CENPI: variants seen among roughly 807,000 people sequenced by gnomAD.
CENPI encodes the protein FSH primary response 1.
A neutral mutation model predicts 60.4 loss-of-function variants in CENPI; 4 were observed. The ratio of observed to expected loss-of-function variants is 0.07; its 90% CI spans 0.03 to 0.15. The LOEUF is 0.15. Ranked by LOEUF, CENPI falls within the 10% of genes least tolerant of loss-of-function variation. The pLI, the probability that CENPI is intolerant of heterozygous loss-of-function variation, is 1.00. For missense variants in CENPI, 444 were observed against 534.5 expected, an observed-to-expected ratio of 0.83 and a Z score of 1.67; for synonymous variants, 157 against 189.4, an observed-to-expected ratio of 0.83 and a Z score of 1.40.
At chrX:101,147,465 A>T (rs918154833) in intron 18 of CENPI, among the ~76,000 whole-genome samples, 1 of 109,382 alleles carries the variant, frequency 9.1e-6, no homozygotes, top group Non-Finnish European at 1.9e-5. Context: ...ACTCCCATTT[A>T]TGAGTGAGAA....
At chrX:101,130,545 G>T (rs1440623330) in intron 13 of CENPI, among the ~76,000 whole-genome samples, 1 of 112,266 alleles carries the variant, frequency 8.9e-6, no homozygotes, top group Non-Finnish European at 1.9e-5. Flanking sequence ...TCTTTGCACT[G>T]TTAGATTTGA....
At chrX:101,129,195 T>C (rs1300630626) in intron 12 of CENPI, among the ~76,000 whole-genome samples, 1 of 111,820 alleles carries the variant, frequency 8.9e-6, no homozygotes, top group Non-Finnish European at 1.9e-5. Context: ...AATGTCAGCT[T>C]ATTATAAAAT....
the CENPI span, among the ~76,000 whole-genome samples, chrX:101,180,319 T>C: frequency 9.0e-6 from 1 of 110,571 alleles, no homozygotes; most frequent in African/African-American, 3.3e-5. Flanking sequence ...TTATTTTTTG[T>C]AGAGATAAGG....
chrX:101,161,279 G>A (rs2090105592), intron 20 of CENPI, among the ~76,000 whole-genome samples: 1 of 112,072 alleles, frequency 8.9e-6, no homozygotes, highest in Non-Finnish European at 1.9e-5. Context: ...ATGAGCCACT[G>A]CACCCGGCCT....
intron 8 of CENPI, 62 bp from the exon 9 acceptor site, chrX:101,126,647 A>G (rs1283290841): frequency 7.9e-6 from 7 of 884,703 alleles, no homozygotes; most frequent in Non-Finnish European, 1.2e-5. Context: ...TCTTATTGGT[A>G]TTTGTTTCCT....
intron 18 of CENPI, 97 bp from the exon 19 acceptor site, chrX:101,147,666 A>G: frequency 1.5e-6 from 1 of 668,314 alleles, no homozygotes; most frequent in Non-Finnish European, 2.3e-6. Flanking sequence ...GCATATATTT[A>G]CATTTAAAAT....
At chrX:101,135,799 C>T (rs1278673694) in intron 15 of CENPI, among the ~76,000 whole-genome samples, 1 of 111,801 alleles carries the variant, frequency 8.9e-6, no homozygotes, top group Non-Finnish European at 1.9e-5. Context: ...TGGCTTACTG[C>T]AACCTCCGCC....
At chrX:101,158,424 C>T (rs1157870405) in intron 20 of CENPI, among the ~76,000 whole-genome samples, 3 of 107,994 alleles carry the variant, frequency 2.8e-5, no homozygotes, top group Non-Finnish European at 5.7e-5. Flanking sequence ...ATTACAGGCA[C>T]GTACCACCAC....
intron 6 of CENPI, among the ~76,000 whole-genome samples, chrX:101,111,462 T>A (rs1046430046): frequency 1.8e-5 from 2 of 110,829 alleles, no homozygotes; most frequent in African/African-American, 6.6e-5. Context: ...GCTGGCCATT[T>A]AACAGGAATC....
intron 15 of CENPI, among the ~76,000 whole-genome samples, chrX:101,137,552 G>A (rs766660489): frequency 1.8e-5 from 2 of 111,736 alleles, no homozygotes; most frequent in South Asian, 7.5e-4. Flanking sequence ...AGTTACAGTG[G>A]GATTGGGAAG....
At chrX:101,119,692 A>T (rs2089656989) in intron 6 of CENPI, among the ~76,000 whole-genome samples, 1 of 112,311 alleles carries the variant, frequency 8.9e-6, no homozygotes, top group Non-Finnish European at 1.9e-5. Context: ...TTAATTAGCA[A>T]ATTGAGTGCA....
the CENPI span, among the ~76,000 whole-genome samples, chrX:101,181,309 G>A: frequency 8.9e-6 from 1 of 111,793 alleles, no homozygotes; most frequent in Admixed American, 9.5e-5. Context: ...ATTTCCATAT[G>A]AAGTTTAGGA....
rs767723252 is a variant in CENPI, at chrX:101,122,870, AAAACAAAC to A, written c.687+2106_687+2113del. Among the ~76,000 whole-genome samples, 5 of 111,721 alleles carry A rather than the reference AAAACAAAC, an allele frequency of 4.5e-5. No homozygotes were observed. The East Asian group carries it at 8.4e-4, about 19-fold the overall frequency. The stretch of plus-strand genomic sequence containing the variant: ...GACAGGGCAAGACTCCGTCTCCAAA[AAAACAAAC>A]AAACAAACAAACAAACAAAAGATCT... On this transcript the variant is annotated intron_variant, in intron 8 of 21. Transcript: ENST00000682095.
Position 101,127,376 on chromosome X carries a change from C to G in CENPI, c.906+110C>G, listed in dbSNP as rs780445349. 18 of 952,111 alleles carry G rather than the reference C, an allele frequency of 1.9e-5. No individual in the cohort carries two copies. In the African/African-American group the frequency reaches 3.3e-4, roughly 18 times the overall value. 78.5% of individuals were successfully genotyped at this position (952,111 alleles called of 1,213,427 possible). On this transcript the variant is annotated intron_variant, in intron 10 of 21. Coordinates refer to ENST00000682095, the MANE Select transcript of CENPI (RefSeq NM_001386188.2). ...AGATATTTAAGTATATGTCAGTTAC[C>G]CAGGATTCTGTGTAAGCCATATTCA... is the stretch of plus-strand genomic sequence containing the variant.
chrX:101,130,881 A>G (rs759823595), intron 13 of CENPI, among the ~76,000 whole-genome samples: 141 of 112,114 alleles, frequency 1.3e-3, no homozygotes, highest in Non-Finnish European at 2.1e-3. Flanking sequence ...GCTTACCTCT[A>G]TCGTGACATT....
chrX:101,144,603 A>T (rs1335771416), intron 16 of CENPI, among the ~76,000 whole-genome samples: 1 of 108,056 alleles, frequency 9.3e-6, no homozygotes, highest in African/African-American at 3.4e-5. Context: ...GAATGGTCTT[A>T]AACTCCTGGA....
chrX:101,171,950 C>G, the CENPI span, among the ~76,000 whole-genome samples: 1 of 111,519 alleles, frequency 9.0e-6, no homozygotes, highest in Non-Finnish European at 1.9e-5. Context: ...CTATTTTATT[C>G]CGAATATATA....
At chrX:101,177,887 G>C in the CENPI span, among the ~76,000 whole-genome samples, 40 of 112,259 alleles carry the variant, frequency 3.6e-4, no homozygotes, top group Non-Finnish European at 7.0e-4. Context: ...GAGATGCAGG[G>C]GCTATTGGGC....
the CENPI span, among the ~76,000 whole-genome samples, chrX:101,178,398 C>CTTTTTTTTTTTTTTTTTTTTTTTTT: frequency 5.0e-4 from 20 of 39,983 alleles, 1 homozygote; most frequent in East Asian, 7.3e-4. Flanking sequence ...TTTTCTTCTT[C>CTTTTTTTTTTTTTTTTTTTTTTTTT]TTTTTTTTTT....
Sources: gnomAD v4.1 joint callset for allele counts (sites outside exome capture counted in the v4.1 genomes callset) on GRCh38, gnomAD v4.1.1 for gene constraint, MANE v1.5 for transcripts, NCBI Gene and HGNC (gene_info 2026-07-23, HGNC 2026-07-21) for gene names.